Variants in LAMA3 observed in about 807,000 individuals in gnomAD.
LAMA3 encodes the protein laminin subunit alpha 3.
Under a neutral mutation model 402.0 loss-of-function variants are expected in LAMA3, and 281 were observed. The ratio of observed to expected loss-of-function variants is 0.70; its 90% CI spans 0.63 to 0.77. The LOEUF (loss-of-function observed/expected upper bound fraction) is 0.77, where lower values mean the gene tolerates loss of function less well. LAMA3 is among the 30% of genes least tolerant of loss of function. LAMA3 has a pLI of 0.00. For synonymous variants in LAMA3, 1,431 were observed against 1,558.4 expected (o/e 0.92, Z 1.93); for missense variants, 3,840 against 4,215.5 (o/e 0.91, Z 2.47).
chr18:23,789,768 T>C (rs2062615150), intron 12 of LAMA3, among the ~76,000 whole-genome samples: 1 of 152,204 alleles, frequency 6.6e-6, no homozygotes, highest in Non-Finnish European at 1.5e-5. Context: ...TGTGAATATA[T>C]TAAACAACAT....
At chr18:23,911,521 A>G (rs186257266) in intron 55 of LAMA3, among the ~76,000 whole-genome samples, 2 of 151,680 alleles carry the variant, frequency 1.3e-5, no homozygotes, top group African/African-American at 4.8e-5. Flanking sequence ...TATTTTGTCT[A>G]CTTTGTTTTT....
At chr18:23,785,193 G>A (rs747261742) in intron 12 of LAMA3, among the ~76,000 whole-genome samples, 2 of 152,134 alleles carry the variant, frequency 1.3e-5, no homozygotes, top group Non-Finnish European at 1.5e-5. Context: ...ATTTCCCATC[G>A]GTCTAATCTT....
intron 2 of LAMA3, among the ~76,000 whole-genome samples, chr18:23,738,063 G>A (rs765061568): frequency 6.6e-6 from 1 of 152,080 alleles, no homozygotes; most frequent in Non-Finnish European, 1.5e-5. Flanking sequence ...TAAATCAATC[G>A]TCGGTGGTAT....
intron 11 of LAMA3, among the ~76,000 whole-genome samples, chr18:23,778,771 G>A (rs930481121): frequency 3.9e-5 from 6 of 152,206 alleles, no homozygotes; most frequent in African/African-American, 1.2e-4. Flanking sequence ...GTGTGAGCAC[G>A]AGTGCCCCTC....
chr18:23,892,762 G>T (rs528866871), intron 42 of LAMA3, among the ~76,000 whole-genome samples: 1 of 152,062 alleles, frequency 6.6e-6, no homozygotes. Flanking sequence ...AATTAGCTGG[G>T]TGTGGTGGCA....
At chr18:23,952,796 A>G (rs2145580707) in intron 73 of LAMA3, among the ~76,000 whole-genome samples, 194 bp from the exon 74 acceptor site, 1 of 152,376 alleles carries the variant, frequency 6.6e-6, no homozygotes, top group East Asian at 1.9e-4. Context: ...TTTTAAGGGT[A>G]AAATTCATTC....
At chr18:23,746,159 G>A (rs372053905) in intron 2 of LAMA3, among the ~76,000 whole-genome samples, 19 of 152,226 alleles carry the variant, frequency 1.2e-4, no homozygotes, top group Admixed American at 4.6e-4. Context: ...TAGACAACTC[G>A]GGAGTGTTAA....
chr18:23,698,685 G>A (rs1395607820), intron 1 of LAMA3, among the ~76,000 whole-genome samples: 1 of 152,254 alleles, frequency 6.6e-6, no homozygotes, highest in Non-Finnish European at 1.5e-5. Context: ...TAAGAATGGT[G>A]CTGCCTGGAG....
In LAMA3 at chr18:23,909,279, G is replaced by C. The variant is rs2081356076; in HGVS notation, c.7142G>C (p.Arg2381Thr). 1 of 1,612,502 alleles carries C rather than the reference G, an allele frequency of 6.2e-7. No individual in the cohort carries two copies. Among genetic ancestry groups the C allele is most frequent in the Non-Finnish European group, 8.5e-7 (1 of 1,180,024 alleles). ...ATACGAGAACTAATTCAGCAGGCCA[G>C]AGATGCTGCCAGTAAGGTGAGTGTG... ...DRIRELIQQA[R>T]DAASKVAVPM... Residue 2381 changes from arginine (R) to threonine (T), a missense_variant, in exon 55 of 75, where the codon AGA becomes ACA. Arg to Thr is a moderately conservative substitution (Grantham distance 71). This residue lies in a region of LAMA3 where 891 missense variants were observed against 857.5 expected (regional missense o/e 1.04). Coordinates refer to ENST00000313654, the MANE Select transcript of LAMA3 (RefSeq NM_198129.4).
At chr18:23,747,528 C>G (rs1261532957) in intron 2 of LAMA3, among the ~76,000 whole-genome samples, 1 of 152,160 alleles carries the variant, frequency 6.6e-6, no homozygotes, top group Admixed American at 6.5e-5. Context: ...AAACCTGGAA[C>G]CAGGGTTAGG....
intron 18 of LAMA3, among the ~76,000 whole-genome samples, chr18:23,816,991 C>CCA (rs2063188720): frequency 6.6e-6 from 1 of 152,176 alleles, no homozygotes; most frequent in Non-Finnish European, 1.5e-5. Context: ...CACCCAGGTG[C>CCA]CTGGGCTAAT....
rs975398730 is a variant in LAMA3 at position 23,803,937 on chromosome 18, T to C, written c.1604-6429T>C. Among the ~76,000 whole-genome samples the C allele has an allele frequency of 4.9e-4, 75 of 152,206 alleles. 1 individual carries two copies. Among genetic ancestry groups the C allele is most frequent in the Admixed American group, 4.6e-3 (70 of 15,270 alleles). ...TGGCGTTCTTTGCATAGCTTACTTG[T>C]GTAGAGGCTGCTTGGATCCAATCTT... On this transcript the variant is annotated intron_variant, in intron 12 of 74. Transcript: ENST00000313654.
intron 1 of LAMA3, among the ~76,000 whole-genome samples, chr18:23,713,609 A>G (rs765904467): frequency 2.9e-4 from 44 of 152,342 alleles, no homozygotes; most frequent in South Asian, 1.7e-3. Context: ...CCCAAATACA[A>G]CAGGCTCTTC....
intron 70 of LAMA3, chr18:23,946,517 G>A (rs962325535): frequency 3.6e-6 from 2 of 548,268 alleles, no homozygotes; most frequent in Non-Finnish European, 6.5e-6. Context: ...TGAAGATAGA[G>A]CTTCTCTGCC....
At chr18:23,782,298 T>C (rs2062452153) in intron 11 of LAMA3, among the ~76,000 whole-genome samples, 1 of 152,198 alleles carries the variant, frequency 6.6e-6, no homozygotes, top group African/African-American at 2.4e-5. Context: ...TGGCTCACGC[T>C]GTAATCCTGC....
chr18:23,782,789 G>A (rs2062462161), intron 11 of LAMA3, among the ~76,000 whole-genome samples: 1 of 144,492 alleles, frequency 6.9e-6, no homozygotes, highest in African/African-American at 2.7e-5. Context: ...TAACCTTTCT[G>A]AGCATCTTTT....
rs1015816279 is a variant in LAMA3, at chr18:23,819,929, T to C, written c.2236T>C (p.Phe746Leu). ...CACACCTAATGGGAGAGACCTTCGA[T>C]TTGGATTTGATCCGCTGGCATTTCC... ...GSTPNGRDLR[F>L]GFDPLAFPEF... Residue 746 changes from phenylalanine to leucine, a missense_variant, in exon 19 of 75, where the codon TTT (phenylalanine) becomes CTT (leucine). By Grantham distance (22) the Phe-to-Leu change is conservative. This residue lies in a region of LAMA3 where 2,109 missense variants were observed against 2,376.0 expected (regional missense o/e 0.89). Coordinates refer to ENST00000313654, the MANE Select transcript of LAMA3 (RefSeq NM_198129.4). 2 of 1,614,132 alleles carry C rather than the reference T, an allele frequency of 1.2e-6. No individual in the cohort carries two copies. Among genetic ancestry groups the C allele is most frequent in the Admixed American group, 1.7e-5 (1 of 60,034 alleles).
At chr18:23,817,380 G>C (rs189829536) in intron 18 of LAMA3, among the ~76,000 whole-genome samples, 83 of 152,198 alleles carry the variant, frequency 5.5e-4, no homozygotes, top group African/African-American at 1.9e-3. Context: ...TTTTTATGTC[G>C]TGGAGGTAAA....
In LAMA3 at chr18:23,871,639, C is replaced by T. The variant is rs969284159; in HGVS notation, c.4976C>T (p.Ala1659Val). The T allele has an allele frequency of 1.9e-6, 3 of 1,610,178 alleles. No individual in the cohort carries two copies. The highest frequency in any genetic ancestry group is 1.7e-5 in the Admixed American group (1 of 59,224). ...GTGGAAATCTGTGCCTGCCCCCCTG[C>T]CTACGCTGGTGACTCTTGTCAGGTA... The part of the protein sequence containing the change: ...LAVEICACPP[A>V]YAGDSCQGCS... Residue 1659 changes from alanine (A) to valine (V), a missense_variant, in exon 38 of 75, where the codon GCC becomes GTC. Transcript: ENST00000313654.
Sources: gnomAD v4.1 joint callset for allele counts (sites outside exome capture counted in the v4.1 genomes callset) on GRCh38, gnomAD v4.1.1 for gene constraint, gnomAD v4.1.1 regional missense constraint, MANE v1.5 for transcripts, NCBI Gene and HGNC (gene_info 2026-07-23, HGNC 2026-07-21) for gene names.